WDR35: variants seen among roughly 807,000 people sequenced by gnomAD.
WDR35 encodes the protein WD repeat domain 35, also known as WD repeat-containing protein 35.
WDR35 carries 118 observed loss-of-function variants against 158.3 expected under a neutral mutation model. The ratio of observed to expected loss-of-function variants is 0.75; its 90% CI spans 0.64 to 0.87. The LOEUF (loss-of-function observed/expected upper bound fraction) is 0.87, where lower values mean the gene tolerates loss of function less well. WDR35 is among the 40% of genes least tolerant of loss of function. The probability of loss-of-function intolerance (pLI) is 0.00; values close to 1 mark genes in which losing one functional copy is unlikely to be tolerated. For missense variants in WDR35, 1,263 were observed against 1,405.8 expected, an observed-to-expected ratio of 0.90 and a Z score of 1.62; for synonymous variants, 448 against 476.1, an observed-to-expected ratio of 0.94 and a Z score of 0.77.
rs1671056268 is a variant in WDR35, at chr2:19,946,458, T to C, written c.1634+3A>G. On this transcript the variant is annotated splice_donor_region_variant and intron_variant, in intron 15 of 26. Transcript: ENST00000281405. The stretch of plus-strand genomic sequence containing the variant: ...TCTACATGAGCAGAGTTTTCAGGCT[T>C]ACCTAGAGTTGCAATTCAAGGATAA... The C allele has an allele frequency of 6.2e-7, 1 of 1,610,794 alleles. No individual in the cohort carries two copies. Among genetic ancestry groups the C allele is most frequent in the African/African-American group, 1.3e-5 (1 of 74,824 alleles).
At chr2:19,925,668 C>T (rs1021594383) in intron 25 of WDR35, among the ~76,000 whole-genome samples, 1 of 152,158 alleles carries the variant, frequency 6.6e-6, no homozygotes, top group Non-Finnish European at 1.5e-5. Context: ...GACTATTCAA[C>T]CAATTATAAC....
intron 11 of WDR35, among the ~76,000 whole-genome samples, chr2:19,956,455 A>G (rs1211988138): frequency 6.6e-6 from 1 of 152,136 alleles, no homozygotes; most frequent in Non-Finnish European, 1.5e-5. Context: ...GGCCTTGAAT[A>G]AATTATTTGT....
chr2:19,914,005 A>C (rs1160881458), intron 26 of WDR35, 32 bp downstream of exon 26: 1 of 1,612,800 alleles, frequency 6.2e-7, no homozygotes, highest in Non-Finnish European at 8.5e-7. Flanking sequence ...CTAATAAGAT[A>C]GAATGGCATC....
At chr2:19,919,380 C>CAAAAAAAAAAAAAAAA (rs1302042752) in intron 25 of WDR35, among the ~76,000 whole-genome samples, 4 of 48,232 alleles carry the variant, frequency 8.3e-5, no homozygotes, top group East Asian at 8.3e-4. Flanking sequence ...GGCTCCATCT[C>CAAAAAAAAAAAAAAAA]AAAAAAAAAA....
At chr2:19,947,803 C>T (rs1251826311) in intron 14 of WDR35, among the ~76,000 whole-genome samples, 1 of 152,168 alleles carries the variant, frequency 6.6e-6, no homozygotes, top group Admixed American at 6.5e-5. Context: ...TAAGTGTACT[C>T]TGTCTTCTCG....
rs1242607564 is a variant in WDR35, at chr2:19,960,826, G to GCT, written c.1195-214_1195-213dup. ...GATCAGTTAATACTAAACCAAGGCT[G>GCT]CTTTCTCAATGTAATGGAACACTGT... On this transcript the variant is annotated intron_variant, in intron 10 of 26. Coordinates refer to ENST00000281405, the MANE Select transcript of WDR35 (RefSeq NM_020779.4). 2.6e-5 allele frequency among the ~76,000 whole-genome samples: 4 copies of GCT among 152,298 alleles called. No homozygotes were observed. The East Asian group carries it at 7.7e-4, about 29-fold the overall frequency.
At chr2:19,932,520 A>G (rs1323380441) in intron 22 of WDR35, 73 bp from the exon 23 acceptor site, 1 of 1,585,754 alleles carries the variant, frequency 6.3e-7, no homozygotes, top group African/African-American at 1.3e-5. Context: ...CACACAAGAA[A>G]GCTTTAAGTT....
intron 25 of WDR35, among the ~76,000 whole-genome samples, chr2:19,921,131 A>AT (rs1313045807): frequency 1.3e-5 from 2 of 152,220 alleles, no homozygotes; most frequent in African/African-American, 2.4e-5. Flanking sequence ...GGAAGAACCA[A>AT]TATCATCAAA....
chr2:19,933,844 T>C (rs561212280), intron 21 of WDR35, among the ~76,000 whole-genome samples: 63 of 152,236 alleles, frequency 4.1e-4, no homozygotes, highest in African/African-American at 1.4e-3. Context: ...AAAAAAGCCT[T>C]TATATCAATT....
intron 11 of WDR35, among the ~76,000 whole-genome samples, chr2:19,959,932 T>C (rs1572349058): frequency 6.6e-6 from 1 of 152,204 alleles, no homozygotes; most frequent in African/African-American, 2.4e-5. Flanking sequence ...TTTAATAATC[T>C]ACTTAGAATA....
chr2:19,946,666 C>G, intron 14 of WDR35, 96 bp from the exon 15 acceptor site: 1 of 1,146,326 alleles, frequency 8.7e-7, no homozygotes, highest in East Asian at 2.5e-5. Flanking sequence ...TGTCTTAAAA[C>G]CAAAGTGATG....
At chr2:19,941,014 AATTTACATATCAAACCCAAATATG>A (rs966851705) in intron 17 of WDR35, among the ~76,000 whole-genome samples, 8 of 152,176 alleles carry the variant, frequency 5.3e-5, no homozygotes, top group African/African-American at 1.4e-4. Flanking sequence ...AAATAGCCAT[AATTTACATATCAAACCCAAATATG>A]ATTTACATAT....
intron 22 of WDR35, 109 bp downstream of exon 22, chr2:19,933,292 C>A (rs956078484): frequency 4.0e-5 from 36 of 895,302 alleles, no homozygotes; most frequent in Non-Finnish European, 2.3e-5. Context: ...CTCTCCAACC[C>A]TTACATTGGC....
At position 19,941,610 on chromosome 2, in the gene WDR35, A is replaced by G; in HGVS notation, c.1926+149T>C. Reference sequence around the variant, plus strand: ...GAAGCTCAAAAAGATGGTGGCACCCACCTAAAGGCTGAACAATAAGAGAGC... The same window carrying G: ...GAAGCTCAAAAAGATGGTGGCACCCGCCTAAAGGCTGAACAATAAGAGAGC... On this transcript the variant is annotated intron_variant, in intron 17 of 26. Coordinates refer to ENST00000281405, the MANE Select transcript of WDR35 (RefSeq NM_020779.4). The G allele has an allele frequency of 5.5e-6, 3 of 547,770 alleles. No homozygotes were observed. The South Asian group carries it at 7.2e-5, about 13-fold the overall frequency. 33.9% of individuals were successfully genotyped at this position (547,770 alleles called of 1,614,324 possible).
intron 20 of WDR35, 51 bp downstream of exon 20, chr2:19,936,168 A>G: frequency 6.2e-7 from 1 of 1,612,598 alleles, no homozygotes; most frequent in South Asian, 1.1e-5. Context: ...GTACTCAGGC[A>G]GCTACTAAGT....
chr2:19,951,378 G>A (rs1456397244), intron 13 of WDR35, 37 bp downstream of exon 13: 2 of 1,482,504 alleles, frequency 1.3e-6, no homozygotes, highest in Non-Finnish European at 1.9e-6. Flanking sequence ...CAAATCTACA[G>A]ATATTAACAT....
At chr2:19,922,224 T>C (rs1670191991) in intron 25 of WDR35, among the ~76,000 whole-genome samples, 1 of 152,222 alleles carries the variant, frequency 6.6e-6, no homozygotes, top group Admixed American at 6.5e-5. Flanking sequence ...GCTGGGTATA[T>C]ACCCAAAGGA....
rs1558358927 is a variant in WDR35 at position 19,978,878 on chromosome 2, GC to G, written c.308del (p.Gly103AlafsTer7). 7 of 1,613,392 alleles carry G rather than the reference GC, an allele frequency of 4.3e-6. No individual in the cohort carries two copies. The Admixed American group carries it at 5.0e-5, about 12-fold the overall frequency. ...GLIIVWMLYK[G>X]SWIEEMINNR... Reference sequence around the variant, plus strand: ...TGTTGATCATCTCCTCAATCCAAGAGCCTGTTTTCACAAATTTAAAAAATTA... The same window carrying G: ...TGTTGATCATCTCCTCAATCCAAGAGCTGTTTTCACAAATTTAAAAAATTA... On this transcript the variant is annotated frameshift_variant and splice_region_variant, in exon 5 of 27. Coordinates refer to ENST00000281405, the MANE Select transcript of WDR35 (RefSeq NM_020779.4). LOFTEE classifies it high-confidence loss of function.
Position 19,934,506 on chromosome 2 carries a change from A to C in WDR35, c.2547+965T>G, listed in dbSNP as rs1219085993. 6.6e-6 allele frequency among the ~76,000 whole-genome samples: 1 copy of C among 151,988 alleles called. No homozygotes were observed. Among genetic ancestry groups the C allele is most frequent in the African/African-American group, 2.4e-5 (1 of 41,440 alleles). Reference sequence around the variant, plus strand: ...AAAATTCTTCTATAACTCTATTTAAAATTTATAATACTAAAATTTTTACTA... The same window carrying C: ...AAAATTCTTCTATAACTCTATTTAACATTTATAATACTAAAATTTTTACTA... On this transcript the variant is annotated intron_variant, in intron 21 of 26. Transcript: ENST00000281405. This position sits in a 1 kb window ranked among gnomAD's most constrained non-coding sequence, Gnocchi z 4.6.
Sources: gnomAD v4.1 joint callset for allele counts (sites outside exome capture counted in the v4.1 genomes callset) on GRCh38, gnomAD v4.1.1 for gene constraint, Gnocchi (gnomAD v3.1) non-coding constraint, MANE v1.5 for transcripts, NCBI Gene and HGNC (gene_info 2026-07-23, HGNC 2026-07-21) for gene names.